AGBL1: variants seen among roughly 807,000 people sequenced by gnomAD.
AGBL1 encodes the protein AGBL carboxypeptidase 1.
Under a neutral mutation model 118.9 loss-of-function variants are expected in AGBL1, and 130 were observed. The observed-to-expected ratio is 1.09, with a 90% CI of 0.95 to 1.26. The LOEUF is 1.26. AGBL1 is among the 50% of genes most tolerant of loss of function. The pLI is 0.00. For synonymous variants in AGBL1, 555 were observed against 478.9 expected (o/e 1.16, Z -2.08); for missense variants, 1,584 against 1,298.1 (o/e 1.22, Z -3.38).
chr15:86,743,780 G>T (rs1257598992), intron 22 of AGBL1, among the ~76,000 whole-genome samples: 1 of 152,072 alleles, frequency 6.6e-6, no homozygotes, highest in East Asian at 1.9e-4. Flanking sequence ...AAGGTTATGA[G>T]TTGGAAATGT....
chr15:86,754,150 G>A (rs562666794), intron 22 of AGBL1, among the ~76,000 whole-genome samples: 1 of 152,086 alleles, frequency 6.6e-6, no homozygotes, highest in Non-Finnish European at 1.5e-5. Context: ...TGTTTGTGCA[G>A]ATTTAAACAC....
chr15:86,200,541 T>A (rs1230837842), intron 5 of AGBL1, among the ~76,000 whole-genome samples: 1 of 134,880 alleles, frequency 7.4e-6, no homozygotes, highest in Admixed American at 7.7e-5. Flanking sequence ...TCTAGAGTAA[T>A]AGACCCCTAC....
Position 86,822,273 on chromosome 15 carries a change from A to G in AGBL1, c.3159-84814A>G, listed in dbSNP as rs150916571. Among the ~76,000 whole-genome samples the G allele has an allele frequency of 1.2e-3, 184 of 152,242 alleles. 1 individual carries two copies. The highest frequency in any genetic ancestry group is 4.2e-3 in the African/African-American group (173 of 41,582). ...TTGATCACACATGATAGCCACCACAATGACATACCTCTATTATCCCCTGTT... is the reference window on the plus strand; with the variant it reads ...TTGATCACACATGATAGCCACCACAGTGACATACCTCTATTATCCCCTGTT... On this transcript the variant is annotated intron_variant, in intron 22 of 22. Transcript: ENST00000614907.
In AGBL1 at chr15:86,271,651, G is replaced by A. The variant is rs761394565; in HGVS notation, c.2020G>A (p.Ala674Thr). ...GCCCACCCTATATTCTGTGAAGGAGGCTCTTCTTGGCAAACCCACCTGGAT... is the reference window on the plus strand; with the variant it reads ...GCCCACCCTATATTCTGTGAAGGAGACTCTTCTTGGCAAACCCACCTGGAT... ...MQPTLYSVKE[A>T]LLGKPTWIRT... Residue 674 changes from alanine (A) to threonine (T), a missense_variant, in exon 15 of 23, where the codon GCT becomes ACT. By Grantham distance (58) the Ala-to-Thr change is moderately conservative. Coordinates refer to ENST00000614907, the MANE Select transcript of AGBL1 (RefSeq NM_001386094.1). 27 of 1,612,968 alleles carry A rather than the reference G, an allele frequency of 1.7e-5. No individual in the cohort carries two copies. The African/African-American group carries it at 3.2e-4, about 19-fold the overall frequency.
chr15:86,150,109 C>A (rs2077087505), intron 3 of AGBL1, among the ~76,000 whole-genome samples: 1 of 152,218 alleles, frequency 6.6e-6, no homozygotes, highest in Admixed American at 6.5e-5. Context: ...ACCAGAATCT[C>A]TGGGACACAT....
intron 17 of AGBL1, among the ~76,000 whole-genome samples, chr15:86,375,599 C>T (rs187418050): frequency 3.3e-5 from 5 of 152,242 alleles, no homozygotes; most frequent in Admixed American, 2.6e-4. Flanking sequence ...GTCATGTTGG[C>T]CTTTTCACTA....
At chr15:86,149,438 C>G (rs1269138452) in intron 3 of AGBL1, among the ~76,000 whole-genome samples, 3 of 151,992 alleles carry the variant, frequency 2.0e-5, no homozygotes, top group Non-Finnish European at 2.9e-5. Flanking sequence ...AGAAGATCTA[C>G]CAAGCAAATG....
chr15:87,026,544 G>A (rs907589129), intron 24 of AGBL1, among the ~76,000 whole-genome samples: 6 of 152,190 alleles, frequency 3.9e-5, no homozygotes, highest in Middle Eastern at 3.4e-3. Flanking sequence ...CTACACTGCT[G>A]GTGGGAATGT....
chr15:86,754,602 G>A (rs187933643), intron 22 of AGBL1, among the ~76,000 whole-genome samples: 6 of 152,140 alleles, frequency 3.9e-5, no homozygotes, highest in East Asian at 1.9e-4. Flanking sequence ...GGGCTTTGAT[G>A]TGTATACCCA....
intron 24 of AGBL1, among the ~76,000 whole-genome samples, chr15:86,994,478 T>C (rs1017228631): frequency 1.3e-5 from 2 of 152,126 alleles, no homozygotes; most frequent in African/African-American, 4.8e-5. Context: ...TAAAAGACTC[T>C]CTACCATACC....
chr15:86,376,180 T>A (rs1350345865), intron 17 of AGBL1, among the ~76,000 whole-genome samples: 1 of 152,258 alleles, frequency 6.6e-6, no homozygotes, highest in East Asian at 1.9e-4. Flanking sequence ...GTCAGAAGGA[T>A]GCCACTGATG....
intron 22 of AGBL1, among the ~76,000 whole-genome samples, chr15:86,681,646 A>G (rs1202625351): frequency 6.6e-6 from 1 of 152,196 alleles, no homozygotes; most frequent in African/African-American, 2.4e-5. Flanking sequence ...CTCTATCATG[A>G]CTTACAATTA....
intron 22 of AGBL1, among the ~76,000 whole-genome samples, chr15:86,709,583 C>G (rs536759610): frequency 5.9e-5 from 9 of 152,234 alleles, no homozygotes; most frequent in African/African-American, 2.2e-4. Context: ...TTATGAAATA[C>G]ATAATGATAT....
intron 24 of AGBL1, among the ~76,000 whole-genome samples, chr15:87,001,979 T>G (rs1436885163): frequency 5.3e-5 from 8 of 152,082 alleles, no homozygotes; most frequent in Non-Finnish European, 1.0e-4. Context: ...GCTCTTTAGT[T>G]TAATTAGATC....
At chr15:86,652,447 C>G (rs1026010240) in intron 21 of AGBL1, among the ~76,000 whole-genome samples, 1 of 152,062 alleles carries the variant, frequency 6.6e-6, no homozygotes, top group South Asian at 2.1e-4. Flanking sequence ...GGTTTTTATA[C>G]TTCCTGATTT....
At chr15:86,410,860 TAA>T (rs371252515) in intron 18 of AGBL1, among the ~76,000 whole-genome samples, 1 of 68,224 alleles carries the variant, frequency 1.5e-5, no homozygotes. Context: ...ATTTTATATA[TAA>T]AATATATAAT....
At chr15:86,589,395 A>G (rs555212176) in intron 21 of AGBL1, among the ~76,000 whole-genome samples, 1 of 152,342 alleles carries the variant, frequency 6.6e-6, no homozygotes, top group Admixed American at 6.5e-5. Flanking sequence ...AATTTGGATC[A>G]TGTTAGTCAC....
rs373054366 is a variant in AGBL1, at chr15:86,694,595, CTT to C, written c.3158+20160_3158+20161del. On this transcript the variant is annotated intron_variant, in intron 22 of 22. Coordinates refer to ENST00000614907, the MANE Select transcript of AGBL1 (RefSeq NM_001386094.1). ...ATTTGGATGCCATTTATTTCTTTCT[CTT>C]GTCTGATTGCTCTGACTAGGACTCC... Among the ~76,000 whole-genome samples, 228 of 152,132 alleles carry C rather than the reference CTT, an allele frequency of 1.5e-3. 1 individual carries two copies. Among genetic ancestry groups the C allele is most frequent in the African/African-American group, 5.3e-3 (221 of 41,544 alleles).
chr15:86,900,832 CTG>C (rs1195998309), intron 22 of AGBL1, among the ~76,000 whole-genome samples: 2 of 152,130 alleles, frequency 1.3e-5, no homozygotes, highest in Non-Finnish European at 2.9e-5. Flanking sequence ...TCTGGAAAGA[CTG>C]TGCTACCCTT....
Sources: allele counts gnomAD v4.1 joint callset (sites outside exome capture counted in the v4.1 genomes callset), GRCh38; gene constraint gnomAD v4.1.1; transcripts MANE v1.5; gene names NCBI Gene and HGNC (gene_info 2026-07-23, HGNC 2026-07-21).